The following LRIG3 variants were observed in gnomAD, a reference collection of about 807,000 sequenced individuals.
The protein encoded by LRIG3 is leucine rich repeats and immunoglobulin like domains 3.
LRIG3 carries 76 observed loss-of-function variants against 114.5 expected under a neutral mutation model. The ratio of observed to expected loss-of-function variants is 0.66; its 90% CI spans 0.55 to 0.80. The LOEUF (loss-of-function observed/expected upper bound fraction) is 0.80, where lower values mean the gene tolerates loss of function less well. Among genes scored for constraint, LRIG3 ranks in the 30% least tolerant of loss-of-function variants. The pLI is 0.00. For synonymous variants in LRIG3, 512 were observed against 519.8 expected (o/e 0.98, Z 0.20); for missense variants, 1,239 against 1,382.8 (o/e 0.90, Z 1.65).
chr12:58,890,889 A>G, intron 3 of LRIG3, 93 bp from the exon 4 acceptor site: 1 of 1,276,658 alleles, frequency 7.8e-7, no homozygotes, highest in Non-Finnish European at 1.1e-6. Context: ...TTCTTCAGAA[A>G]TATGGAACTG....
At chr12:58,874,405 G>A (rs913222094) in intron 17 of LRIG3, 25 bp downstream of exon 17, 1 of 1,613,774 alleles carries the variant, frequency 6.2e-7, no homozygotes, top group South Asian at 1.1e-5. Context: ...AAACAGAACT[G>A]TACTCAAGCA....
At chr12:58,879,854 C>A (rs1178875917) in intron 13 of LRIG3, among the ~76,000 whole-genome samples, 1 of 152,210 alleles carries the variant, frequency 6.6e-6, no homozygotes, top group Non-Finnish European at 1.5e-5. Context: ...AGATGTGGAA[C>A]TGGAGGCGGA....
chr12:58,907,614 T>C (rs1036744895), intron 3 of LRIG3, among the ~76,000 whole-genome samples: 26 of 152,202 alleles, frequency 1.7e-4, no homozygotes, highest in African/African-American at 6.0e-4. Flanking sequence ...ATTATGCCAT[T>C]TGATCCTTTA....
chr12:58,872,433 T>C lies in LRIG3; in HGVS notation c.*139A>G. 2 of 910,954 alleles carry C rather than the reference T, an allele frequency of 2.2e-6. No individual in the cohort carries two copies. The highest frequency in any genetic ancestry group is 3.0e-6 in the Non-Finnish European group (2 of 675,454). The allele number at this position is 910,954 out of a possible 1,614,324, so 56.4% of individuals were successfully genotyped here. On this transcript the variant is annotated 3_prime_UTR_variant, in exon 19 of 19. Coordinates refer to ENST00000320743, the MANE Select transcript of LRIG3 (RefSeq NM_153377.5). Reference sequence around the variant, plus strand: ...AAAAATTTTCATAACTTTTTGTAATTTTGGTTCATCTGTATAAATAAAGCA... The same window carrying C: ...AAAAATTTTCATAACTTTTTGTAATCTTGGTTCATCTGTATAAATAAAGCA...
intron 10 of LRIG3, among the ~76,000 whole-genome samples, chr12:58,885,537 T>C (rs1487744616): frequency 1.3e-5 from 2 of 152,202 alleles, no homozygotes; most frequent in African/African-American, 4.8e-5. Context: ...AGTTTGTTTT[T>C]TTTTTAATTA....
In LRIG3 at chr12:58,890,650, G is replaced by C. The variant is rs776773988; in HGVS notation, c.515+15C>G. 2 of 1,546,322 alleles carry C rather than the reference G, an allele frequency of 1.3e-6. No individual in the cohort carries two copies. Among genetic ancestry groups the C allele is most frequent in the Non-Finnish European group, 1.7e-6 (2 of 1,150,082 alleles). ...ATTACAGGTGAAAGTTTTTGCTAAA[G>C]AAAACTTCACTTACAGATATTTGAG... On this transcript the variant is annotated intron_variant, in intron 4 of 18. Transcript: ENST00000320743.
chr12:58,907,532 C>T (rs1317297583), intron 3 of LRIG3, among the ~76,000 whole-genome samples: 2 of 152,204 alleles, frequency 1.3e-5, no homozygotes, highest in South Asian at 2.1e-4. Context: ...AGTCTCTGCT[C>T]CTCTGCCAAG....
Position 58,877,749 on chromosome 12 carries a change from GT to G in LRIG3, c.2186del (p.Asn729ThrfsTer11). On this transcript the variant is annotated frameshift_variant, in exon 15 of 19. Transcript: ENST00000320743. LOFTEE classifies it high-confidence loss of function. The stretch of plus-strand genomic sequence containing the variant: ...CCAATGGGCTATCATCTTTGGTCCA[GT>G]TCAGTTTAGGGGGAGGGCTTCCTCC... ...IAGGSPPPKL[N>X]WTKDDSPLVV... 6.2e-7 allele frequency: 1 copy of G among 1,614,224 alleles called. No individual in the cohort carries two copies. Among genetic ancestry groups the G allele is most frequent in the Non-Finnish European group, 8.5e-7 (1 of 1,180,044 alleles).
At chr12:58,902,289 C>T (rs1186750454) in intron 3 of LRIG3, among the ~76,000 whole-genome samples, 1 of 151,976 alleles carries the variant, frequency 6.6e-6, no homozygotes, top group African/African-American at 2.4e-5. Context: ...AAAAAAAATG[C>T]TCATTTTGAT....
rs371651623 is a variant in LRIG3 at position 58,889,979 on chromosome 12, G to A, written c.659+17C>T. The A allele has an allele frequency of 6.2e-7, 1 of 1,612,552 alleles. No individual in the cohort carries two copies. The highest frequency in any genetic ancestry group is 1.3e-5 in the African/African-American group (1 of 74,856). On this transcript the variant is annotated intron_variant, in intron 5 of 18. Transcript: ENST00000320743. ...GGAGGAGGTGAGAAACAGTATCTAA[G>A]AGGACATTTTACTTACAGATGTTGC...
rs1871348972 is a variant in LRIG3, at chr12:58,888,486, A to AAGAATCAAAAGC, written c.804-26_804-15dup. On this transcript the variant is annotated splice_polypyrimidine_tract_variant and intron_variant, in intron 6 of 18. Coordinates refer to ENST00000320743, the MANE Select transcript of LRIG3 (RefSeq NM_153377.5). ...TGGTCCAGCTGCCTACATTTACAGT[A>AAGAATCAAAAGC]AGAATCAAAAGCAGGATCAAAACTT... The AAGAATCAAAAGC allele has an allele frequency of 6.2e-7, 1 of 1,610,754 alleles. No individual in the cohort carries two copies. Among genetic ancestry groups the AAGAATCAAAAGC allele is most frequent in the Non-Finnish European group, 8.5e-7 (1 of 1,177,370 alleles).
At chr12:58,908,615 A>G (rs1477095080) in intron 3 of LRIG3, among the ~76,000 whole-genome samples, 1 of 152,088 alleles carries the variant, frequency 6.6e-6, no homozygotes, top group Non-Finnish European at 1.5e-5. Flanking sequence ...TATTGCTGCT[A>G]TTGTCAGAAT....
intron 1 of LRIG3, among the ~76,000 whole-genome samples, chr12:58,918,444 T>C (rs1182254601): frequency 6.6e-6 from 1 of 152,198 alleles, no homozygotes; most frequent in Non-Finnish European, 1.5e-5. Context: ...AGAAAAAAAG[T>C]ACTGCACACT....
At chr12:58,875,005 C>T (rs540863298) in intron 16 of LRIG3, among the ~76,000 whole-genome samples, 1 of 152,310 alleles carries the variant, frequency 6.6e-6, no homozygotes, top group African/African-American at 2.4e-5. Context: ...AAATATACGC[C>T]ATTTACTGCT....
In LRIG3 at chr12:58,887,778, G is replaced by C; in HGVS notation, c.1091+11C>G. ...TACGTTCGAGTACTGACAGCAAAAC[G>C]TGTAACTTACAAAGTCTTTAAACTG... On this transcript the variant is annotated intron_variant, in intron 8 of 18. Transcript: ENST00000320743. 6.2e-7 allele frequency: 1 copy of C among 1,611,980 alleles called. No homozygotes were observed. The highest frequency in any genetic ancestry group is 8.5e-7 in the Non-Finnish European group (1 of 1,178,910).
In LRIG3 at chr12:58,873,919, C is replaced by A. The variant is rs2293659; in HGVS notation, c.3115+136G>T. On this transcript the variant is annotated intron_variant, in intron 18 of 18. Transcript: ENST00000320743. Reference sequence around the variant, plus strand: ...TTGCTTTTGGAGGCATTTACACTAACTAGTCGGATGTCATGGCAGCCTCAT... The same window carrying A: ...TTGCTTTTGGAGGCATTTACACTAAATAGTCGGATGTCATGGCAGCCTCAT... The A allele has an allele frequency of 6.0e-6, 6 of 993,802 alleles. No individual in the cohort carries two copies. In the Admixed American group the frequency reaches 1.3e-4, roughly 21 times the overall value. 61.6% of individuals were successfully genotyped at this position (993,802 alleles called of 1,614,324 possible).
intron 14 of LRIG3, 78 bp from the exon 15 acceptor site, chr12:58,877,930 T>C (rs1467066056): frequency 3.2e-5 from 45 of 1,387,482 alleles, no homozygotes; most frequent in Non-Finnish European, 4.0e-5. Context: ...TTTAAACTTA[T>C]TCAAATTGTA....
intron 3 of LRIG3, among the ~76,000 whole-genome samples, chr12:58,893,560 C>T (rs1480149648): frequency 6.6e-6 from 1 of 152,120 alleles, no homozygotes; most frequent in Non-Finnish European, 1.5e-5. Flanking sequence ...TGTATAAAGT[C>T]CTTGATCTAG....
chr12:58,916,526 T>C (rs1408495730), intron 1 of LRIG3, among the ~76,000 whole-genome samples: 3 of 152,230 alleles, frequency 2.0e-5, no homozygotes, highest in Non-Finnish European at 4.4e-5. Context: ...ACATTGTTTT[T>C]ATGGCTAGAC....
Sources: gnomAD v4.1 joint callset for allele counts (sites outside exome capture counted in the v4.1 genomes callset) on GRCh38, gnomAD v4.1.1 for gene constraint, MANE v1.5 for transcripts, NCBI Gene and HGNC (gene_info 2026-07-23, HGNC 2026-07-21) for gene names.